Variants in ZBTB7C observed in about 807,000 individuals in gnomAD.
ZBTB7C encodes the protein zinc finger and BTB domain containing 7C.
In ZBTB7C, 8 loss-of-function variants were observed where a neutral mutation model predicts 25.7. The observed-to-expected ratio is 0.31, with a 90% CI of 0.18 to 0.56. The LOEUF is 0.56. Among genes scored for constraint, ZBTB7C ranks in the 20% least tolerant of loss-of-function variants. The pLI, the probability that ZBTB7C is intolerant of heterozygous loss-of-function variation, is 0.91. For synonymous variants in ZBTB7C, 394 were observed against 369.0 expected (o/e 1.07, Z -0.78); for missense variants, 824 against 855.2 (o/e 0.96, Z 0.46).
intron 2 of ZBTB7C, among the ~76,000 whole-genome samples, chr18:48,275,529 C>G (rs1224591138): frequency 6.6e-6 from 1 of 152,082 alleles, no homozygotes; most frequent in Non-Finnish European, 1.5e-5. Context: ...GAGAGATGCC[C>G]CAGAGAGCGA....
chr18:48,331,151 T>C lies in ZBTB7C; in HGVS notation c.-79+7023A>G, dbSNP rs533782373. 2.6e-5 allele frequency among the ~76,000 whole-genome samples: 4 copies of C among 152,314 alleles called. No homozygotes were observed. The East Asian group carries it at 7.7e-4, about 29-fold the overall frequency. On this transcript the variant is annotated intron_variant, in intron 2 of 4. Transcript: ENST00000590800. ...CATTGCTTCCCCAATTCCATCATGATTTCCCGAAGGACAGGGAACTTGTCT... is the reference window on the plus strand; with the variant it reads ...CATTGCTTCCCCAATTCCATCATGACTTCCCGAAGGACAGGGAACTTGTCT...
intron 2 of ZBTB7C, among the ~76,000 whole-genome samples, chr18:48,238,003 T>C (rs72907407): frequency 0.041 from 6,250 of 152,218 alleles, 166 homozygotes; most frequent in Non-Finnish European, 0.061. Flanking sequence ...AAATAATATA[T>C]ATAAAATGAT....
In ZBTB7C at chr18:48,226,738, C is replaced by T. The variant is rs140529441; in HGVS notation, c.-78-40743G>A. On this transcript the variant is annotated intron_variant, in intron 2 of 4. Coordinates refer to ENST00000590800, the MANE Select transcript of ZBTB7C (RefSeq NM_001318841.2). Reference sequence around the variant, plus strand: ...ATCATACTGTTAGGAGTTAGGTATTCGACTGGGTGCAGTGGCTTATGCCTG... The same window carrying T: ...ATCATACTGTTAGGAGTTAGGTATTTGACTGGGTGCAGTGGCTTATGCCTG... 4.6e-5 allele frequency among the ~76,000 whole-genome samples: 7 copies of T among 152,110 alleles called. No individual in the cohort carries two copies. In the East Asian group the frequency reaches 5.8e-4, roughly 13 times the overall value.
At chr18:48,381,114 C>T (rs548929741) in intron 1 of ZBTB7C, among the ~76,000 whole-genome samples, 2 of 152,272 alleles carry the variant, frequency 1.3e-5, no homozygotes, top group South Asian at 4.2e-4. Context: ...TGAAGACATT[C>T]AAAGTTCCAA....
intron 3 of ZBTB7C, among the ~76,000 whole-genome samples, chr18:48,090,253 G>A (rs568841996): frequency 6.6e-6 from 1 of 152,350 alleles, no homozygotes; most frequent in Non-Finnish European, 1.5e-5. Flanking sequence ...GGACAAATGA[G>A]GTGTGAGTGC....
chr18:48,041,191 G>GA, intron 3 of ZBTB7C, 68 bp from the exon 4 acceptor site: 2 of 1,496,224 alleles, frequency 1.3e-6, no homozygotes, highest in Non-Finnish European at 1.8e-6. Context: ...TCAACTCTAG[G>GA]ACTCTGAGCC....
At chr18:48,250,140 C>T (rs2043804989) in intron 2 of ZBTB7C, among the ~76,000 whole-genome samples, 1 of 152,176 alleles carries the variant, frequency 6.6e-6, no homozygotes, top group South Asian at 2.1e-4. Flanking sequence ...GTGACATGCG[C>T]AGGGGTCAAG....
At chr18:48,318,308 C>A (rs2046000108) in intron 2 of ZBTB7C, among the ~76,000 whole-genome samples, 1 of 152,118 alleles carries the variant, frequency 6.6e-6, no homozygotes, top group African/African-American at 2.4e-5. Flanking sequence ...TGGTTGGGAA[C>A]CAACCCCCCC....
At chr18:48,337,673 A>G (rs963899974) in intron 2 of ZBTB7C, among the ~76,000 whole-genome samples, 9 of 152,234 alleles carry the variant, frequency 5.9e-5, no homozygotes, top group African/African-American at 2.2e-4. Context: ...TTTAACAAGC[A>G]GGACTCATCC....
At chr18:48,238,789 G>A (rs898131931) in intron 2 of ZBTB7C, among the ~76,000 whole-genome samples, 12 of 152,218 alleles carry the variant, frequency 7.9e-5, no homozygotes, top group Non-Finnish European at 1.6e-4. Flanking sequence ...ATGGGGGTGA[G>A]GTGTGAACAG....
chr18:48,051,595 A>AAAG (rs2036689211), intron 3 of ZBTB7C, among the ~76,000 whole-genome samples: 2 of 152,134 alleles, frequency 1.3e-5, no homozygotes, highest in Admixed American at 1.3e-4. Flanking sequence ...CTAAGGTCAC[A>AAAG]AAGTGATGGG....
At chr18:48,317,493 C>T (rs554162897) in intron 2 of ZBTB7C, among the ~76,000 whole-genome samples, 18 of 152,234 alleles carry the variant, frequency 1.2e-4, no homozygotes, top group South Asian at 1.0e-3. Context: ...AGAAACAAAA[C>T]GTCTCCCCAA....
rs2044724141 is a variant in ZBTB7C at position 48,278,185 on chromosome 18, C to G, written c.-79+59989G>C. Among the ~76,000 whole-genome samples the G allele has an allele frequency of 2.0e-5, 3 of 152,204 alleles. No individual in the cohort carries two copies. The South Asian group carries it at 6.2e-4, about 31-fold the overall frequency. The stretch of plus-strand genomic sequence containing the variant: ...TCTTGCAGCTTCCACTTTGCAGAGG[C>G]AGGTTCCTGCCACATGCAAAGAAAT... On this transcript the variant is annotated intron_variant, in intron 2 of 4. Transcript: ENST00000590800.
chr18:48,262,232 C>T lies in ZBTB7C; in HGVS notation c.-79+75942G>A, dbSNP rs547962851. Among the ~76,000 whole-genome samples, 245 of 152,362 alleles carry T rather than the reference C, an allele frequency of 1.6e-3. 3 individuals carry two copies. The highest frequency in any genetic ancestry group is 3.0e-3 in the Non-Finnish European group (202 of 68,030). ...GTGAGAGGACGGCAGAGCTGGATGTCAACCCAAGCTCCCTGGCTCATGGTC... is the reference window on the plus strand; with the variant it reads ...GTGAGAGGACGGCAGAGCTGGATGTTAACCCAAGCTCCCTGGCTCATGGTC... On this transcript the variant is annotated intron_variant, in intron 2 of 4. Coordinates refer to ENST00000590800, the MANE Select transcript of ZBTB7C (RefSeq NM_001318841.2).
At chr18:48,189,954 G>A (rs2042153764) in intron 2 of ZBTB7C, among the ~76,000 whole-genome samples, 1 of 152,192 alleles carries the variant, frequency 6.6e-6, no homozygotes, top group Non-Finnish European at 1.5e-5. Context: ...CCCGACAGGT[G>A]AGAAATGGAA....
At chr18:48,266,607 C>G (rs934019011) in intron 2 of ZBTB7C, among the ~76,000 whole-genome samples, 3 of 152,228 alleles carry the variant, frequency 2.0e-5, no homozygotes, top group African/African-American at 7.2e-5. Context: ...AGCAGTGCTG[C>G]TCTCAGCAAC....
chr18:48,112,212 T>C (rs1227041519), intron 3 of ZBTB7C, among the ~76,000 whole-genome samples: 4 of 151,738 alleles, frequency 2.6e-5, no homozygotes, highest in Admixed American at 6.6e-5. Context: ...GAGTAATATA[T>C]ATTTATAGTA....
intron 3 of ZBTB7C, among the ~76,000 whole-genome samples, chr18:48,051,912 T>C (rs1038796299): frequency 2.6e-5 from 4 of 151,584 alleles, no homozygotes; most frequent in Non-Finnish European, 5.9e-5. Flanking sequence ...TTTTTCATCC[T>C]TTATTTTCTA....
chr18:48,040,898 G>C lies in ZBTB7C; in HGVS notation c.210C>G (p.Ser70Arg). Residue 70 changes from serine (S) to arginine (R), a missense_variant, in exon 4 of 5, where the codon AGC becomes AGG. Physicochemically the swap from Ser to Arg is moderately radical, Grantham distance 110 (BLOSUM62 -1). This residue lies in a region of ZBTB7C where 117 missense variants were observed against 167.7 expected (regional missense o/e 0.70). Coordinates refer to ENST00000590800, the MANE Select transcript of ZBTB7C (RefSeq NM_001318841.2). The stretch of plus-strand genomic sequence containing the variant: ...AGTCGATCTCATAGACGTAGGGCTG[G>C]CTGGCTAGGGTGCCGGCTGTGAAAA... ...KKLFTAGTLASQPYVYEIDFV... is the reference protein window; with the variant it reads ...KKLFTAGTLARQPYVYEIDFV... 6.2e-7 allele frequency: 1 copy of C among 1,614,184 alleles called. No homozygotes were observed. The highest frequency in any genetic ancestry group is 8.5e-7 in the Non-Finnish European group (1 of 1,180,036).
Sources: gnomAD v4.1 joint callset for allele counts (sites outside exome capture counted in the v4.1 genomes callset) on GRCh38, gnomAD v4.1.1 for gene constraint, gnomAD v4.1.1 regional missense constraint, MANE v1.5 for transcripts, NCBI Gene and HGNC (gene_info 2026-07-23, HGNC 2026-07-21) for gene names.